The following FAM135B variants were observed in gnomAD, a reference collection of about 807,000 sequenced individuals.
The protein encoded by FAM135B is family with sequence similarity 135 member B.
In FAM135B, 43 loss-of-function variants were observed where a neutral mutation model predicts 127.7. That is an observed-to-expected ratio of 0.34 (90% confidence interval 0.26 to 0.43). The LOEUF is 0.43. Ranked by LOEUF, FAM135B falls within the 20% of genes least tolerant of loss-of-function variation. The pLI is 1.00. For synonymous variants in FAM135B, 670 were observed against 665.1 expected (o/e 1.01, Z -0.11); for missense variants, 1,558 against 1,725.6 (o/e 0.90, Z 1.72).
intron 1 of FAM135B, among the ~76,000 whole-genome samples, chr8:138,416,949 C>T (rs367857105): frequency 1.3e-5 from 2 of 152,282 alleles, no homozygotes; most frequent in East Asian, 3.9e-4. Flanking sequence ...CCAGTCTCAT[C>T]ATGGACCTCC....
intron 2 of FAM135B, among the ~76,000 whole-genome samples, chr8:138,337,622 T>G (rs1828705010): frequency 6.6e-6 from 1 of 152,056 alleles, no homozygotes; most frequent in Non-Finnish European, 1.5e-5. Context: ...CACAAACAAA[T>G]GGAAGAACAT....
chr8:138,385,889 G>C (rs1010314599), intron 1 of FAM135B, among the ~76,000 whole-genome samples: 1 of 151,924 alleles, frequency 6.6e-6, no homozygotes, highest in Non-Finnish European at 1.5e-5. Context: ...GAACAAATAC[G>C]ATACTGGGTA....
intron 7 of FAM135B, among the ~76,000 whole-genome samples, chr8:138,229,564 C>G (rs138292241): frequency 3.9e-5 from 6 of 152,222 alleles, no homozygotes; most frequent in African/African-American, 1.4e-4. Context: ...GAAAAGGCAG[C>G]CTTTGTGGGC....
intron 19 of FAM135B, among the ~76,000 whole-genome samples, chr8:138,133,546 G>A (rs1156384383): frequency 6.6e-6 from 1 of 152,204 alleles, no homozygotes; most frequent in Non-Finnish European, 1.5e-5. Context: ...GATCCTGAGA[G>A]CTGGGATATT....
intron 1 of FAM135B, among the ~76,000 whole-genome samples, chr8:138,383,860 C>T (rs561141585): frequency 5.3e-5 from 8 of 152,302 alleles, no homozygotes; most frequent in African/African-American, 1.4e-4. Flanking sequence ...AAGGAGACCA[C>T]GCCCATCCTC....
At chr8:138,456,287 A>G (rs1207939600) in intron 1 of FAM135B, among the ~76,000 whole-genome samples, 1 of 152,228 alleles carries the variant, frequency 6.6e-6, no homozygotes, top group African/African-American at 2.4e-5. Context: ...AGTCACCAAA[A>G]TGAACTAAGA....
intron 3 of FAM135B, among the ~76,000 whole-genome samples, chr8:138,282,384 G>C (rs1586959796): frequency 6.6e-6 from 1 of 152,054 alleles, no homozygotes. Context: ...CAAGAACATG[G>C]AAAGACAAGC....
intron 11 of FAM135B, among the ~76,000 whole-genome samples, chr8:138,174,881 G>A (rs1814296322): frequency 6.6e-6 from 1 of 152,048 alleles, no homozygotes; most frequent in Admixed American, 6.6e-5. Flanking sequence ...GTACTTGTAG[G>A]CCTTCCATCA....
chr8:138,350,761 T>C (rs1313911325), intron 2 of FAM135B, among the ~76,000 whole-genome samples: 1 of 152,238 alleles, frequency 6.6e-6, no homozygotes, highest in African/African-American at 2.4e-5. Context: ...TCCTTATTCA[T>C]ACATTAAGGA....
At chr8:138,402,850 C>T (rs1175931328) in intron 1 of FAM135B, among the ~76,000 whole-genome samples, 1 of 152,070 alleles carries the variant, frequency 6.6e-6, no homozygotes, top group Non-Finnish European at 1.5e-5. Flanking sequence ...AGCCCTAACC[C>T]CTGATGTGAT....
chr8:138,315,471 G>A (rs1458763262), intron 2 of FAM135B, among the ~76,000 whole-genome samples: 1 of 152,138 alleles, frequency 6.6e-6, no homozygotes, highest in Non-Finnish European at 1.5e-5. Context: ...CTCTGCTCAT[G>A]TATACCAACA....
chr8:138,495,421 C>G (rs1815353843), intron 1 of FAM135B, among the ~76,000 whole-genome samples: 1 of 152,156 alleles, frequency 6.6e-6, no homozygotes, highest in Non-Finnish European at 1.5e-5. Context: ...CATATTATGA[C>G]ATAAATCTCC....
intron 12 of FAM135B, among the ~76,000 whole-genome samples, chr8:138,158,651 C>A (rs1351557427): frequency 1.1e-4 from 16 of 152,152 alleles, no homozygotes; most frequent in Admixed American, 1.0e-3. Flanking sequence ...AGACACTTCT[C>A]AAAAGAAGAC....
At chr8:138,394,975 T>C (rs1286135050) in intron 1 of FAM135B, among the ~76,000 whole-genome samples, 4 of 152,170 alleles carry the variant, frequency 2.6e-5, no homozygotes, top group Non-Finnish European at 4.4e-5. Context: ...ATGGACATGA[T>C]TGGGTCACTT....
intron 1 of FAM135B, among the ~76,000 whole-genome samples, chr8:138,454,169 A>G (rs958131681): frequency 1.3e-5 from 2 of 152,192 alleles, no homozygotes; most frequent in Admixed American, 6.5e-5. Flanking sequence ...TTAAAAAAAA[A>G]AAGTAATTTT....
rs1459148940 is a variant in FAM135B, at chr8:138,152,703, C to A, written c.1772G>T (p.Gly591Val). 2.5e-6 allele frequency: 4 copies of A among 1,614,020 alleles called. No individual in the cohort carries two copies. The highest frequency in any genetic ancestry group is 2.7e-5 in the African/African-American group (2 of 74,894). The part of the protein sequence containing the change: ...SRDKYGLDRT[G>V]LSKVVVGGSH... Reference sequence around the variant, plus strand: ...TCCACCTACTACCACTTTGCTTAGCCCAGTCCTGTCTAATCCATACTTATC... The same window carrying A: ...TCCACCTACTACCACTTTGCTTAGCACAGTCCTGTCTAATCCATACTTATC... Residue 591 changes from glycine to valine, a missense_variant, in exon 13 of 20, where the codon GGG (glycine) becomes GTG (valine). Physicochemically the swap from Gly to Val is moderately radical, Grantham distance 109. Transcript: ENST00000395297.
At chr8:138,391,657 G>A (rs76574825) in intron 1 of FAM135B, among the ~76,000 whole-genome samples, 2 of 152,232 alleles carry the variant, frequency 1.3e-5, no homozygotes, top group African/African-American at 4.8e-5. Flanking sequence ...CCTTCCCTTA[G>A]TCATTCTTGT....
At chr8:138,330,761 C>A (rs999004178) in intron 2 of FAM135B, among the ~76,000 whole-genome samples, 16 of 152,208 alleles carry the variant, frequency 1.1e-4, no homozygotes, top group African/African-American at 3.6e-4. Flanking sequence ...TTTTTCTGAG[C>A]AGGACTATAT....
chr8:138,284,604 T>G (rs1824525210), intron 3 of FAM135B, among the ~76,000 whole-genome samples: 1 of 151,470 alleles, frequency 6.6e-6, no homozygotes, highest in African/African-American at 2.4e-5. Context: ...AGCCCCTCCC[T>G]GTCACAAGCT....
Sources: gnomAD v4.1 joint callset for allele counts (sites outside exome capture counted in the v4.1 genomes callset) on GRCh38, gnomAD v4.1.1 for gene constraint, MANE v1.5 for transcripts, NCBI Gene and HGNC (gene_info 2026-07-23, HGNC 2026-07-21) for gene names.